UACA: variants seen among roughly 807,000 people sequenced by gnomAD.
The protein encoded by UACA is uveal autoantigen with coiled-coil domains and ankyrin repeats.
In UACA, 112 loss-of-function variants were observed where a neutral mutation model predicts 160.5. The ratio of observed to expected loss-of-function variants is 0.70; its 90% CI spans 0.60 to 0.82. The LOEUF is 0.82. Among genes scored for constraint, UACA ranks in the 40% least tolerant of loss-of-function variants. The pLI is 0.00. For missense variants in UACA, 1,574 were observed against 1,614.6 expected (o/e 0.97, Z 0.43); for synonymous variants, 557 against 568.4 (o/e 0.98, Z 0.29).
chr15:70,710,504 A>T (rs1041962874), intron 1 of UACA, among the ~76,000 whole-genome samples: 4 of 152,162 alleles, frequency 2.6e-5, no homozygotes, highest in African/African-American at 9.7e-5. Flanking sequence ...ACCTGGAGAT[A>T]GTGTCAGATC....
intron 15 of UACA, among the ~76,000 whole-genome samples, chr15:70,670,420 C>G (rs938547220): frequency 4.6e-5 from 7 of 152,116 alleles, no homozygotes; most frequent in Admixed American, 4.6e-4. Flanking sequence ...AAGGGCTGAA[C>G]AGGGTACTGG....
At chr15:70,772,552 G>T in the UACA span, among the ~76,000 whole-genome samples, 2 of 151,420 alleles carry the variant, frequency 1.3e-5, no homozygotes, top group Admixed American at 1.3e-4. Context: ...ACTGAATGGG[G>T]ATGACTATGG....
chr15:70,749,955 C>G (rs2141010667), intron 1 of UACA, among the ~76,000 whole-genome samples: 1 of 152,258 alleles, frequency 6.6e-6, no homozygotes, highest in African/African-American at 2.4e-5. Context: ...AGCGTAATTA[C>G]CATTCAATCA....
Position 70,667,373 on chromosome 15 carries a change from T to G in UACA, c.3311A>C (p.Gln1104Pro), listed in dbSNP as rs1312398424. 6.2e-7 allele frequency: 1 copy of G among 1,613,054 alleles called. No individual in the cohort carries two copies. The highest frequency in any genetic ancestry group is 8.5e-7 in the Non-Finnish European group (1 of 1,179,956). ...AACATGTTGTTTTTGCAAAAGATTT[T>G]GCACTGCAAGTATCTCAGAAGTCTG... ...AKQTSEILAV[Q>P]NLLQKQHVPL... Residue 1104 changes from glutamine to proline, a missense_variant, in exon 16 of 19, where the codon CAA (glutamine) becomes CCA (proline). Physicochemically the swap from Gln to Pro is moderately conservative, Grantham distance 76. Coordinates refer to ENST00000322954, the MANE Select transcript of UACA (RefSeq NM_018003.4).
At position 70,696,193 on chromosome 15, in the gene UACA, C is replaced by T. The variant is rs1898122148; in HGVS notation, c.213-1088G>A. ...ACCATTAAAATTTTTTACATTTTCC[C>T]ATTCACCAAAACCTTAGTACTCCTA... On this transcript the variant is annotated intron_variant, in intron 2 of 18. Transcript: ENST00000322954. 3.3e-5 allele frequency among the ~76,000 whole-genome samples: 5 copies of T among 152,286 alleles called. 1 individual carries two copies. In the South Asian group the frequency reaches 8.3e-4, roughly 25 times the overall value.
intron 14 of UACA, chr15:70,671,303 G>GTTT: frequency 3.4e-6 from 1 of 292,382 alleles, no homozygotes; most frequent in East Asian, 5.7e-5. Flanking sequence ...TACTAGGTTG[G>GTTT]TTTTTTTTTT....
At chr15:70,763,805 CCGGAG>C (rs2141022900), upstream of UACA, among the ~76,000 whole-genome samples, 1 of 152,356 alleles carries the variant, frequency 6.6e-6, no homozygotes, top group African/African-American at 2.4e-5. Flanking sequence ...GCCCGCCCAC[CCGGAG>C]CTTAAGATCT....
the UACA span, among the ~76,000 whole-genome samples, chr15:70,773,543 G>T: frequency 6.6e-6 from 1 of 152,134 alleles, no homozygotes; most frequent in African/African-American, 2.4e-5. Flanking sequence ...AGTCTTTGAG[G>T]ACAAAGGGGA....
chr15:70,720,605 C>T (rs772483856), intron 1 of UACA, among the ~76,000 whole-genome samples: 7 of 152,056 alleles, frequency 4.6e-5, no homozygotes, highest in Admixed American at 6.6e-5. Context: ...AGATAAAAGA[C>T]GTAGAAATCC....
At chr15:70,739,528 T>C (rs917023418) in intron 1 of UACA, among the ~76,000 whole-genome samples, 1 of 152,180 alleles carries the variant, frequency 6.6e-6, no homozygotes, top group Admixed American at 6.6e-5. Context: ...TTGGCAAGAA[T>C]ATAATTGCTT....
intron 1 of UACA, among the ~76,000 whole-genome samples, chr15:70,747,017 A>G (rs545760034): frequency 1.3e-5 from 2 of 152,236 alleles, no homozygotes; most frequent in East Asian, 3.9e-4. Context: ...TAGCATTAGG[A>G]GAAACAATGT....
intron 1 of UACA, among the ~76,000 whole-genome samples, chr15:70,724,071 T>A (rs1267651132): frequency 6.6e-6 from 1 of 152,218 alleles, no homozygotes. Context: ...AGCTTTCTAA[T>A]CCTGTCTCCC....
chr15:70,679,486 A>G, intron 10 of UACA, 122 bp downstream of exon 10: 1 of 512,166 alleles, frequency 2.0e-6, no homozygotes, highest in Non-Finnish European at 3.4e-6. Flanking sequence ...AATTTTAACG[A>G]GCTTCCCTTT....
chr15:70,665,458 A>T (rs1020761766), intron 16 of UACA, among the ~76,000 whole-genome samples: 4 of 152,146 alleles, frequency 2.6e-5, no homozygotes, highest in African/African-American at 9.7e-5. Context: ...TAAGAAAATC[A>T]GGTTGGGCAC....
intron 1 of UACA, among the ~76,000 whole-genome samples, chr15:70,709,242 C>A (rs1291575829): frequency 6.6e-6 from 1 of 152,132 alleles, no homozygotes; most frequent in Non-Finnish European, 1.5e-5. Context: ...AAGTAAATTT[C>A]TACAGTCAGT....
chr15:70,681,601 T>C (rs906220380), intron 9 of UACA: 5 of 152,230 alleles, frequency 3.3e-5, no homozygotes, highest in Non-Finnish European at 7.3e-5. Flanking sequence ...TTTCTCTGAT[T>C]CTGTGTGAGA....
chr15:70,766,183 A>G (rs1352442001), upstream of UACA, among the ~76,000 whole-genome samples: 1 of 152,202 alleles, frequency 6.6e-6, no homozygotes, highest in African/African-American at 2.4e-5. Context: ...ATGTCTGCTT[A>G]TTCCCATTTG....
rs142011969 is a variant in UACA at position 70,679,717 on chromosome 15, G to C, written c.823-41C>G. The stretch of plus-strand genomic sequence containing the variant: ...AGAAAACACGGGTCAGCAAGTGTAA[G>C]AATACAGAAAAGTATATTTTCCTCA... On this transcript the variant is annotated intron_variant, in intron 9 of 18. Transcript: ENST00000322954. 149 of 1,351,320 alleles carry C rather than the reference G, an allele frequency of 1.1e-4. No individual in the cohort carries two copies. In the African/African-American group the frequency reaches 2.0e-3, roughly 18 times the overall value. 83.7% of individuals were successfully genotyped at this position (1,351,320 alleles called of 1,614,324 possible).
At chr15:70,706,397 T>C (rs573617046) in intron 1 of UACA, among the ~76,000 whole-genome samples, 2 of 151,922 alleles carry the variant, frequency 1.3e-5, no homozygotes, top group South Asian at 4.2e-4. Flanking sequence ...GCCATTTCTA[T>C]TAGCATAGAA....
Sources: gnomAD v4.1 joint callset for allele counts (sites outside exome capture counted in the v4.1 genomes callset) on GRCh38, gnomAD v4.1.1 for gene constraint, MANE v1.5 for transcripts, NCBI Gene and HGNC (gene_info 2026-07-23, HGNC 2026-07-21) for gene names.